Variants in ATXN7L1 observed in about 807,000 individuals in gnomAD.
The protein encoded by ATXN7L1 is ataxin-7-like protein 1.
In ATXN7L1, 15 loss-of-function variants were observed where a neutral mutation model predicts 70.8. The ratio of observed to expected loss-of-function variants is 0.21; its 90% confidence interval spans 0.14 to 0.33. The LOEUF (loss-of-function observed/expected upper bound fraction) is 0.33. Ranked by LOEUF, ATXN7L1 falls within the 10% of genes least tolerant of loss-of-function variation. The pLI, the probability that ATXN7L1 is intolerant of heterozygous loss-of-function variation, is 1.00. For synonymous variants in ATXN7L1, 440 were observed against 445.1 expected, an observed-to-expected ratio of 0.99 and a Z score of 0.14; for missense variants, 975 against 1,097.1, an observed-to-expected ratio of 0.89 and a Z score of 1.57.
At chr7:105,820,931 A>G (rs1432330020) in intron 2 of ATXN7L1, among the ~76,000 whole-genome samples, 1 of 152,220 alleles carries the variant, frequency 6.6e-6, no homozygotes, top group Non-Finnish European at 1.5e-5. Context: ...GGCTTCAGCC[A>G]TGATTGTAAT....
chr7:105,749,985 TA>T (rs1276314481), intron 3 of ATXN7L1, among the ~76,000 whole-genome samples: 1 of 151,912 alleles, frequency 6.6e-6, no homozygotes, highest in African/African-American at 2.4e-5. Flanking sequence ...ACGATACACC[TA>T]AAATCTTAAT....
chr7:105,805,888 G>A (rs545264124), intron 2 of ATXN7L1, among the ~76,000 whole-genome samples: 1 of 152,146 alleles, frequency 6.6e-6, no homozygotes, highest in East Asian at 1.9e-4. Context: ...AGAGAGGTGC[G>A]AGGCAGAGTT....
chr7:105,747,826 G>T (rs1283263666), intron 3 of ATXN7L1, among the ~76,000 whole-genome samples: 1 of 152,152 alleles, frequency 6.6e-6, no homozygotes, highest in Non-Finnish European at 1.5e-5. Flanking sequence ...TTTGGTCTTA[G>T]AAGTCTTCTG....
chr7:105,662,027 T>TTTCTTTCCTTCC (rs1801711586), intron 4 of ATXN7L1, among the ~76,000 whole-genome samples: 5 of 48,848 alleles, frequency 1.0e-4, no homozygotes, highest in Non-Finnish European at 1.2e-4. Flanking sequence ...TCTTTCTTTC[T>TTTCTTTCCTTCC]TTCCTTCCTT....
In ATXN7L1 at chr7:105,691,867, A is replaced by G. The variant is rs938460730; in HGVS notation, c.356-26579T>C. On this transcript the variant is annotated intron_variant, in intron 3 of 11. Coordinates refer to ENST00000419735, the MANE Select transcript of ATXN7L1 (RefSeq NM_020725.2). The stretch of plus-strand genomic sequence containing the variant: ...CACGCCAACTGTTTTGACTACACGC[A>G]CTTGTTAAACACGGAGTTTCAGGTC... Among the ~76,000 whole-genome samples the G allele has an allele frequency of 2.0e-5, 3 of 152,152 alleles. 1 individual carries two copies. Among genetic ancestry groups the G allele is most frequent in the Admixed American group, 2.0e-4 (3 of 15,266 alleles).
At chr7:105,658,602 C>T (rs1288990781) in intron 4 of ATXN7L1, among the ~76,000 whole-genome samples, 1 of 139,826 alleles carries the variant, frequency 7.2e-6, no homozygotes, top group Non-Finnish European at 1.5e-5. Flanking sequence ...AGGATCTTGG[C>T]TCGCCGCAAC....
intron 3 of ATXN7L1, among the ~76,000 whole-genome samples, chr7:105,724,819 T>C (rs1795615960): frequency 6.6e-6 from 1 of 151,796 alleles, no homozygotes; most frequent in African/African-American, 2.4e-5. Flanking sequence ...TCTTATTCTC[T>C]TTTTTCCCTC....
chr7:105,736,415 T>C (rs1296058365), intron 3 of ATXN7L1, among the ~76,000 whole-genome samples: 2 of 152,230 alleles, frequency 1.3e-5, no homozygotes, highest in African/African-American at 2.4e-5. Context: ...GGCCTTCTTT[T>C]GCAGCAGGCA....
At chr7:105,728,456 T>C (rs1796158793) in intron 3 of ATXN7L1, among the ~76,000 whole-genome samples, 1 of 152,214 alleles carries the variant, frequency 6.6e-6, no homozygotes, top group Non-Finnish European at 1.5e-5. Flanking sequence ...GAATGATCCA[T>C]ATGGTAATTG....
At chr7:105,834,651 G>A (rs1166395131) in intron 2 of ATXN7L1, among the ~76,000 whole-genome samples, 1 of 152,160 alleles carries the variant, frequency 6.6e-6, no homozygotes, top group Non-Finnish European at 1.5e-5. Context: ...TTTCTGATGA[G>A]TCTGTAAGTT....
chr7:105,668,634 C>A (rs1803028720), intron 3 of ATXN7L1, among the ~76,000 whole-genome samples: 1 of 152,176 alleles, frequency 6.6e-6, no homozygotes, highest in African/African-American at 2.4e-5. Context: ...GTTGGCCAGG[C>A]TAGTGTTGAA....
intron 3 of ATXN7L1, among the ~76,000 whole-genome samples, chr7:105,782,428 CAG>C: frequency 6.6e-6 from 1 of 152,202 alleles, no homozygotes; most frequent in Non-Finnish European, 1.5e-5. Flanking sequence ...GCTGTTGGTA[CAG>C]ACTTAGGAAA....
At chr7:105,680,862 C>T (rs1448281744) in intron 3 of ATXN7L1, among the ~76,000 whole-genome samples, 1 of 152,186 alleles carries the variant, frequency 6.6e-6, no homozygotes, top group African/African-American at 2.4e-5. Flanking sequence ...ACCTGGAGGA[C>T]AGAGATGGGA....
intron 3 of ATXN7L1, among the ~76,000 whole-genome samples, chr7:105,703,207 A>T (rs1453265356): frequency 6.6e-6 from 1 of 152,028 alleles, no homozygotes; most frequent in East Asian, 1.9e-4. Flanking sequence ...AGGAGGCTGC[A>T]GAAGGGAGAA....
At chr7:105,622,915 G>C (rs1439723783) in intron 8 of ATXN7L1, among the ~76,000 whole-genome samples, 1 of 152,196 alleles carries the variant, frequency 6.6e-6, no homozygotes, top group Admixed American at 6.5e-5. Flanking sequence ...AGAGGGAATT[G>C]CAGAGATTGT....
chr7:105,660,030 C>T (rs1011506541), intron 4 of ATXN7L1, among the ~76,000 whole-genome samples: 5 of 152,054 alleles, frequency 3.3e-5, no homozygotes, highest in Middle Eastern at 3.2e-3. Flanking sequence ...ACTCTGCTGT[C>T]GTAATGCCTT....
intron 2 of ATXN7L1, among the ~76,000 whole-genome samples, chr7:105,792,510 G>C (rs899567965): frequency 6.6e-6 from 1 of 152,206 alleles, no homozygotes; most frequent in Non-Finnish European, 1.5e-5. Context: ...GGCAGGGAGA[G>C]AGGAGAACTA....
At chr7:105,733,553 TCCACCCA>T (rs765322600) in intron 3 of ATXN7L1, among the ~76,000 whole-genome samples, 2,007 of 76,356 alleles carry the variant, frequency 0.026, 130 homozygotes, top group African/African-American at 0.048. Context: ...CATCCATCCA[TCCACCCA>T]TCCATCCTTC....
chr7:105,767,448 T>G (rs1417684328), intron 3 of ATXN7L1, among the ~76,000 whole-genome samples: 1 of 152,228 alleles, frequency 6.6e-6, no homozygotes, highest in East Asian at 1.9e-4. Flanking sequence ...TAATTCATGG[T>G]TAACCCACTC....
Sources: gnomAD v4.1 joint callset for allele counts (sites outside exome capture counted in the v4.1 genomes callset) on GRCh38, gnomAD v4.1.1 for gene constraint, MANE v1.5 for transcripts, NCBI Gene and HGNC (gene_info 2026-07-23, HGNC 2026-07-21) for gene names.